ITFG2: variants seen among roughly 807,000 people sequenced by gnomAD.
ITFG2 encodes the protein KICSTOR complex protein ITFG2.
Under a neutral mutation model 54.4 loss-of-function variants are expected in ITFG2, and 36 were observed. The ratio of observed to expected loss-of-function variants is 0.66; its 90% confidence interval spans 0.51 to 0.87. The LOEUF (loss-of-function observed/expected upper bound fraction) is 0.87. ITFG2 is among the 40% of genes least tolerant of loss of function. The pLI, the probability that ITFG2 is intolerant of heterozygous loss-of-function variation, is 0.00. For missense variants in ITFG2, 524 were observed against 576.7 expected, an observed-to-expected ratio of 0.91 and a Z score of 0.94; for synonymous variants, 211 against 225.4, an observed-to-expected ratio of 0.94 and a Z score of 0.57.
intron 2 of ITFG2, chr12:2,849,256 C>G: frequency 6.5e-7 from 1 of 1,536,090 alleles, no homozygotes; most frequent in Non-Finnish European, 8.7e-7. Context: ...TCTTCTCTTC[C>G]TCTTCCTTGC....
chr12:2,814,107 C>G (rs2097916039), intron 1 of ITFG2, among the ~76,000 whole-genome samples: 1 of 152,126 alleles, frequency 6.6e-6, no homozygotes, highest in Non-Finnish European at 1.5e-5. Flanking sequence ...CCATGTCTGG[C>G]TAATTTTTTT....
chr12:2,858,981 A>C (rs758423768), intron 3 of ITFG2: 1 of 1,613,532 alleles, frequency 6.2e-7, no homozygotes, highest in Admixed American at 1.7e-5. Context: ...GGGGTCAGGC[A>C]AGGGGTCAGA....
chr12:2,827,910 A>G (rs1408452147), downstream of ITFG2: 1 of 1,613,720 alleles, frequency 6.2e-7, no homozygotes, highest in Non-Finnish European at 8.5e-7. The surrounding 1 kb of genome is among the most constrained non-coding windows in gnomAD (Gnocchi z 4.0). Context: ...GGGCTGTTGC[A>G]GAAGGGGGGA....
intron 2 of ITFG2, chr12:2,855,571 A>G: frequency 1.4e-6 from 1 of 689,800 alleles, no homozygotes; most frequent in Non-Finnish European, 2.2e-6. Context: ...ATGAGGACGC[A>G]GAAGTCCTGG....
At chr12:2,854,550 CCT>C (rs145458092) in intron 2 of ITFG2, among the ~76,000 whole-genome samples, 1,972 of 152,302 alleles carry the variant, frequency 0.013, 38 homozygotes, top group African/African-American at 0.045. Context: ...TACAACACCC[CCT>C]GTCTCGCACT....
At position 2,822,598 on chromosome 12, in the gene ITFG2, T is replaced by C. The variant is rs530266898; in HGVS notation, c.949-196T>C. ...GAGTGGCCTTGGGTGAGTGACTCTA[T>C]TTCTATGAGCTGAGGTTTCCTCAGT... is the stretch of plus-strand genomic sequence containing the variant. On this transcript the variant is annotated intron_variant, in intron 9 of 11. Coordinates refer to ENST00000228799, the MANE Select transcript of ITFG2 (RefSeq NM_018463.4). Among the ~76,000 whole-genome samples, 88 of 152,250 alleles carry C rather than the reference T, an allele frequency of 5.8e-4. 1 individual carries two copies. Among genetic ancestry groups the C allele is most frequent in the African/African-American group, 2.0e-3 (83 of 41,552 alleles).
Position 2,843,219 on chromosome 12 carries a change from C to G in ITFG2, n.300+2224C>G, listed in dbSNP as rs111687364. 8.2e-3 allele frequency among the ~76,000 whole-genome samples: 1,244 copies of G among 152,298 alleles called. 19 individuals are homozygous for G. The highest frequency in any genetic ancestry group is 0.014 in the Middle Eastern group (4 of 294). ...AGCCAGTTTCTATTTCAGGCTTTCT[C>G]CTCTGGGCCTGTCAGATCTACTGAA... On this transcript the variant is annotated intron_variant and non_coding_transcript_variant, in intron 2 of 3. Transcript: ENST00000537710.
At chr12:2,812,888 G>C in intron 1 of ITFG2, 32 bp downstream of exon 1, 2 of 1,576,364 alleles carry the variant, frequency 1.3e-6, no homozygotes, top group Non-Finnish European at 1.7e-6. Context: ...GAGACAGCCT[G>C]GATCTGTGCA....
chr12:2,830,113 A>G (rs2097993956), intron 2 of ITFG2: 1 of 152,088 alleles, frequency 6.6e-6, no homozygotes, highest in Non-Finnish European at 1.5e-5. Context: ...GGACGTGAGT[A>G]ACATGCCTTA....
At chr12:2,834,169 A>G (rs1217083902), upstream of ITFG2, among the ~76,000 whole-genome samples, 1 of 152,214 alleles carries the variant, frequency 6.6e-6, no homozygotes, top group Non-Finnish European at 1.5e-5. Context: ...CAAAACCCTG[A>G]TGCCCTGGGA....
upstream of ITFG2, chr12:2,835,190 T>TGTGTGTGTTTGTGTGTGTGAGAGA: frequency 1.4e-6 from 1 of 713,268 alleles, no homozygotes; most frequent in African/African-American, 2.9e-5. Flanking sequence ...TGTGTGTGTG[T>TGTGTGTGTTTGTGTGTGTGAGAGA]GAGAGAGAGA....
At position 2,859,474 on chromosome 12, in the gene ITFG2, C is replaced by T. The variant is rs1297238308; in HGVS notation, n.621-60C>T. 1 of 1,613,832 alleles carries T rather than the reference C, an allele frequency of 6.2e-7. No homozygotes were observed. Among genetic ancestry groups the T allele is most frequent in the East Asian group, 2.2e-5 (1 of 44,890 alleles). On this transcript the variant is annotated intron_variant and non_coding_transcript_variant, in intron 3 of 3. Transcript: ENST00000537710. ...AAAGATGGGGCCGGGGAGGGCCACT[C>T]TTCCAAGGGAGGGCTCTCCACTTTG...
At position 2,855,119 on chromosome 12, in the gene ITFG2, G is replaced by T. The variant is rs987522872; in HGVS notation, n.301-2893G>T. 13 of 1,534,190 alleles carry T rather than the reference G, an allele frequency of 8.5e-6. No individual in the cohort carries two copies. The East Asian group carries it at 2.9e-4, about 35-fold the overall frequency. On this transcript the variant is annotated intron_variant and non_coding_transcript_variant, in intron 2 of 3. Transcript: ENST00000537710. ...GGAGGGGGGATGGGGTGCTCCGTGGGGGGGCATCTGTGGGCATTGGAGTCG... is the reference window on the plus strand; with the variant it reads ...GGAGGGGGGATGGGGTGCTCCGTGGTGGGGCATCTGTGGGCATTGGAGTCG...
intron 2 of ITFG2, among the ~76,000 whole-genome samples, chr12:2,853,204 G>T (rs577424622): frequency 1.3e-5 from 2 of 152,184 alleles, no homozygotes; most frequent in East Asian, 1.9e-4. Flanking sequence ...TCAGGGCAAG[G>T]GTAGCAGGGA....
At chr12:2,855,133 G>A (rs1291409204) in intron 2 of ITFG2, 5 of 1,532,248 alleles carry the variant, frequency 3.3e-6, no homozygotes, top group Admixed American at 2.0e-5. Flanking sequence ...GCATCTGTGG[G>A]CATTGGAGTC....
chr12:2,822,469 A>T (rs1440012511), intron 9 of ITFG2, among the ~76,000 whole-genome samples: 1 of 152,196 alleles, frequency 6.6e-6, no homozygotes, highest in African/African-American at 2.4e-5. Flanking sequence ...TGGCCCCTGA[A>T]TCAGCAGGTA....
intron 1 of ITFG2, among the ~76,000 whole-genome samples, chr12:2,813,998 C>T (rs746720135): frequency 1.2e-4 from 19 of 152,300 alleles, no homozygotes; most frequent in South Asian, 4.1e-4. Context: ...GGCTGGAGTG[C>T]AGTGGTGCAA....
At chr12:2,842,047 TTAAA>T (rs2098042364) in intron 2 of ITFG2, among the ~76,000 whole-genome samples, 1 of 151,140 alleles carries the variant, frequency 6.6e-6, no homozygotes. Context: ...ATCTATTGGG[TTAAA>T]TAAAATACAT....
intron 1 of ITFG2, among the ~76,000 whole-genome samples, chr12:2,813,745 C>G (rs1250093683): frequency 6.6e-6 from 1 of 152,176 alleles, no homozygotes; most frequent in African/African-American, 2.4e-5. Flanking sequence ...AGTTCCTTAA[C>G]TGTCCTGTAC....
Sources: allele counts gnomAD v4.1 joint callset (sites outside exome capture counted in the v4.1 genomes callset), GRCh38; gene constraint gnomAD v4.1.1; non-coding constraint Gnocchi (gnomAD v3.1); transcripts MANE v1.5; gene names NCBI Gene and HGNC (gene_info 2026-07-23, HGNC 2026-07-21).